The following PPP6R1 variants were observed in gnomAD, a reference collection of about 807,000 sequenced individuals.
The protein encoded by PPP6R1 is protein phosphatase 6 regulatory subunit 1, also known as serine/threonine-protein phosphatase 6 regulatory subunit 1.
In PPP6R1, 39 loss-of-function variants were observed where a neutral mutation model predicts 104.6. The ratio of observed to expected loss-of-function variants is 0.37; its 90% CI spans 0.29 to 0.49. The LOEUF (loss-of-function observed/expected upper bound fraction) is 0.49. Ranked by LOEUF, PPP6R1 falls within the 20% of genes least tolerant of loss-of-function variation. The pLI, the probability that PPP6R1 is intolerant of heterozygous loss-of-function variation, is 0.98. For synonymous variants in PPP6R1, 549 were observed against 479.0 expected, an observed-to-expected ratio of 1.15 and a Z score of -1.91; for missense variants, 1,181 against 1,155.8, an observed-to-expected ratio of 1.02 and a Z score of -0.32.
rs898470330 is a variant in PPP6R1, at chr19:55,236,862, C to A, written c.1810-41G>T. 3 of 1,612,924 alleles carry A rather than the reference C, an allele frequency of 1.9e-6. No individual in the cohort carries two copies. In the African/African-American group the frequency reaches 4.0e-5, roughly 22 times the overall value. On this transcript the variant is annotated intron_variant, in intron 16 of 23. Transcript: ENST00000412770. ...GTGGGAGGATGGGCCACACTGCCCA[C>A]AGCCCCACACCCCTCCACCCGCCAC...
rs61735026 is a variant in PPP6R1, at chr19:55,231,820, C to A, written c.2288G>T (p.Arg763Leu). Residue 763 changes from arginine (R) to leucine (L), a missense_variant, in exon 19 of 24, where the codon CGT becomes CTT. Coordinates refer to ENST00000412770, the MANE Select transcript of PPP6R1 (RefSeq NM_014931.4). ...PTQSLASPPA[R>L]DALQLRSQDP... is the part of the protein sequence containing the mutation. ...TTCTCACCTGAGCTGCAGGGCGTCA[C>A]GGGCAGGAGGGCTGGCCAGGCTCTG... 13 of 1,501,270 alleles carry A rather than the reference C, an allele frequency of 8.7e-6. No homozygotes were observed. The highest frequency in any genetic ancestry group is 1.2e-5 in the Non-Finnish European group (13 of 1,126,368). 93.0% of individuals were successfully genotyped at this position (1,501,270 alleles called of 1,614,324 possible).
At chr19:55,247,813 C>T (rs2087522832) in intron 1 of PPP6R1, among the ~76,000 whole-genome samples, 1 of 152,176 alleles carries the variant, frequency 6.6e-6, no homozygotes, top group Non-Finnish European at 1.5e-5. Context: ...TGGGCTGGAA[C>T]AAGGAAGAGG....
chr19:55,256,253 C>A (rs1325029034), intron 1 of PPP6R1, among the ~76,000 whole-genome samples: 1 of 152,246 alleles, frequency 6.6e-6, no homozygotes, highest in Non-Finnish European at 1.5e-5. Context: ...CAACGACACA[C>A]CATACCCCAG....
Position 55,230,537 on chromosome 19 carries a change from AAC to A in PPP6R1, c.2643-8_2643-7del, listed in dbSNP as rs2087330806. 1.9e-6 allele frequency: 3 copies of A among 1,613,510 alleles called. No homozygotes were observed. In the East Asian group the frequency reaches 6.7e-5, roughly 36 times the overall value. On this transcript the variant is annotated splice_region_variant and splice_polypyrimidine_tract_variant and intron_variant, in intron 23 of 23. Coordinates refer to ENST00000412770, the MANE Select transcript of PPP6R1 (RefSeq NM_014931.4). ...CTGCCGCACCAGGCAGCTATCTGGAAACAGAGGGAGATGTCGTGTGAGGGTCT... is the reference window on the plus strand; with the variant it reads ...CTGCCGCACCAGGCAGCTATCTGGAAAGAGGGAGATGTCGTGTGAGGGTCT...
intron 17 of PPP6R1, among the ~76,000 whole-genome samples, chr19:55,235,268 G>C (rs2087386413): frequency 6.6e-6 from 1 of 152,054 alleles, no homozygotes; most frequent in Non-Finnish European, 1.5e-5. Context: ...TGATTGGAGA[G>C]GGACGTCATC....
intron 1 of PPP6R1, among the ~76,000 whole-genome samples, chr19:55,250,044 G>C (rs895006659): frequency 1.3e-5 from 2 of 152,162 alleles, no homozygotes; most frequent in Admixed American, 6.5e-5. Flanking sequence ...TGCCACTTCA[G>C]GTGTCTCCTG....
chr19:55,231,220 G>A (rs369329094), intron 21 of PPP6R1, among the ~76,000 whole-genome samples, 190 bp downstream of exon 21: 1 of 152,122 alleles, frequency 6.6e-6, no homozygotes, highest in Non-Finnish European at 1.5e-5. Context: ...AGGGCCCCAA[G>A]CATCCCAGGC....
In PPP6R1 at chr19:55,245,001, G is replaced by GTGCTGGAA; in HGVS notation, c.618+111_618+118dup. 1 of 1,441,594 alleles carries GTGCTGGAA rather than the reference G, an allele frequency of 6.9e-7. No individual in the cohort carries two copies. The highest frequency in any genetic ancestry group is 1.2e-5 in the South Asian group (1 of 80,376). 89.3% of individuals were successfully genotyped at this position (1,441,594 alleles called of 1,614,324 possible). On this transcript the variant is annotated intron_variant, in intron 5 of 23. Transcript: ENST00000412770. The surrounding 1 kb of genome is among the most constrained non-coding windows in gnomAD (Gnocchi z 6.4). ...AATCCTCCCACCTCGCCCTCCCAAA[G>GTGCTGGAA]TGCTGGAATTACAGGCGTGAGCCAC...
At chr19:55,246,203 G>A (rs2087506750) in intron 2 of PPP6R1, among the ~76,000 whole-genome samples, 1 of 152,148 alleles carries the variant, frequency 6.6e-6, no homozygotes, top group Non-Finnish European at 1.5e-5. Context: ...GGCTGAGGCA[G>A]GCATATCACT....
intron 1 of PPP6R1, among the ~76,000 whole-genome samples, chr19:55,254,012 A>C (rs2087573881): frequency 6.6e-6 from 1 of 152,170 alleles, no homozygotes; most frequent in South Asian, 2.1e-4. Flanking sequence ...TTCCGGTCCA[A>C]CCCTGAGGCC....
chr19:55,236,479 A>G (rs2087399443), intron 17 of PPP6R1, 164 bp downstream of exon 17: 1 of 777,016 alleles, frequency 1.3e-6, no homozygotes, highest in Admixed American at 3.4e-5. Flanking sequence ...CTTGAATTAG[A>G]TTTCTATCAC....
chr19:55,251,187 C>T (rs2087550759), intron 1 of PPP6R1, among the ~76,000 whole-genome samples: 1 of 152,196 alleles, frequency 6.6e-6, no homozygotes, highest in African/African-American at 2.4e-5. Flanking sequence ...GACCTGCCGC[C>T]TGGAAGCATC....
intron 17 of PPP6R1, chr19:55,236,330 T>C (rs985551347): frequency 6.8e-6 from 2 of 292,402 alleles, no homozygotes; most frequent in Non-Finnish European, 6.3e-6. Flanking sequence ...AACTTTTGTA[T>C]TTTTTGTAGA....
At chr19:55,256,791 T>C (rs905196371) in intron 1 of PPP6R1, among the ~76,000 whole-genome samples, 3 of 152,232 alleles carry the variant, frequency 2.0e-5, no homozygotes, top group African/African-American at 4.8e-5. Flanking sequence ...AGTTCAAGGC[T>C]GGGCAAACGA....
chr19:55,228,345 G>C (rs779106326), downstream of PPP6R1: 10 of 1,613,780 alleles, frequency 6.2e-6, no homozygotes, highest in Non-Finnish European at 8.5e-6. Flanking sequence ...CCAGGGCAGC[G>C]AACCAGGACA....
chr19:55,239,384 C>T, intron 15 of PPP6R1, 21 bp downstream of exon 15: 1 of 1,601,562 alleles, frequency 6.2e-7, no homozygotes, highest in Non-Finnish European at 8.5e-7. Context: ...AGGGCTGTGA[C>T]CCTGCGCAGG....
downstream of PPP6R1, chr19:55,228,424 C>T: frequency 6.2e-7 from 1 of 1,612,490 alleles, no homozygotes; most frequent in Non-Finnish European, 8.5e-7. Flanking sequence ...CAGCCACCTG[C>T]AGACATCTGG....
chr19:55,252,544 C>T (rs1229817469), intron 1 of PPP6R1, among the ~76,000 whole-genome samples: 1 of 152,022 alleles, frequency 6.6e-6, no homozygotes. Context: ...TACAGGAGTG[C>T]GCCACCACAC....
At chr19:55,236,041 G>A (rs907184483) in intron 17 of PPP6R1, among the ~76,000 whole-genome samples, 4 of 151,162 alleles carry the variant, frequency 2.6e-5, no homozygotes, top group Admixed American at 1.3e-4. Context: ...TGTTGCCCAG[G>A]CTAGGTCTCA....
Sources: gnomAD v4.1 joint callset for allele counts (sites outside exome capture counted in the v4.1 genomes callset) on GRCh38, gnomAD v4.1.1 for gene constraint, Gnocchi (gnomAD v3.1) non-coding constraint, MANE v1.5 for transcripts, NCBI Gene and HGNC (gene_info 2026-07-23, HGNC 2026-07-21) for gene names.